Variants in ZMYM2 observed in about 807,000 individuals in gnomAD.
ZMYM2 encodes zinc finger MYM-type containing 2, also known as zinc finger MYM-type protein 2.
ZMYM2 carries 56 observed loss-of-function variants against 162.8 expected under a neutral mutation model. That is an observed-to-expected ratio of 0.34 (90% CI 0.28 to 0.43). The LOEUF is 0.43. Among genes scored for constraint, ZMYM2 ranks in the 20% least tolerant of loss-of-function variants. ZMYM2 has a pLI of 1.00. For missense variants in ZMYM2, 1,275 were observed against 1,621.8 expected, an observed-to-expected ratio of 0.79 and a Z score of 3.67; for synonymous variants, 510 against 541.6, an observed-to-expected ratio of 0.94 and a Z score of 0.81.
At chr13:19,983,981 T>C (rs1016726437) in intron 2 of ZMYM2, among the ~76,000 whole-genome samples, 22 of 152,204 alleles carry the variant, frequency 1.4e-4, no homozygotes, top group Non-Finnish European at 2.9e-4. Flanking sequence ...AGAACTATTA[T>C]AAGTGCCATG....
chr13:20,010,226 C>T (rs1180529771), intron 6 of ZMYM2, among the ~76,000 whole-genome samples: 4 of 152,050 alleles, frequency 2.6e-5, no homozygotes, highest in Non-Finnish European at 4.4e-5. Flanking sequence ...GACAGAGTCT[C>T]GCTCTGTTAC....
chr13:19,980,717 C>T (rs1957241009), intron 2 of ZMYM2, among the ~76,000 whole-genome samples: 2 of 135,984 alleles, frequency 1.5e-5, no homozygotes, highest in South Asian at 4.7e-4. Context: ...TGTGTCACTG[C>T]ACTCCAGCCT....
chr13:19,972,943 GT>G (rs67438402), intron 2 of ZMYM2, among the ~76,000 whole-genome samples: 5 of 144,576 alleles, frequency 3.5e-5, no homozygotes, highest in Admixed American at 6.9e-5. Flanking sequence ...ATGTTTTTTT[GT>G]TTTTTTTTTG....
intron 12 of ZMYM2, among the ~76,000 whole-genome samples, chr13:20,046,204 C>A (rs1476392342): frequency 2.0e-5 from 3 of 151,996 alleles, no homozygotes; most frequent in African/African-American, 4.8e-5. Context: ...TATGATTACA[C>A]CACTGCACTT....
At chr13:19,933,817 A>G in the ZMYM2 span, among the ~76,000 whole-genome samples, 6,513 of 152,228 alleles carry the variant, frequency 0.043, 200 homozygotes, top group East Asian at 0.13. Flanking sequence ...TGTGACATTG[A>G]AGAAACTGAC....
At chr13:19,922,252 G>A in the ZMYM2 span, among the ~76,000 whole-genome samples, 7 of 152,156 alleles carry the variant, frequency 4.6e-5, no homozygotes, top group East Asian at 1.3e-3. Context: ...GGGGCAGGGA[G>A]TGGGCGGATA....
At chr13:20,019,820 T>G (rs935991333) in intron 7 of ZMYM2, 1 of 551,372 alleles carries the variant, frequency 1.8e-6, no homozygotes, top group East Asian at 3.2e-5. Flanking sequence ...TCTTGTGATA[T>G]GCTCATTTGT....
At chr13:20,005,617 G>A (rs1267530420) in intron 5 of ZMYM2, among the ~76,000 whole-genome samples, 1 of 152,100 alleles carries the variant, frequency 6.6e-6, no homozygotes, top group African/African-American at 2.4e-5. Flanking sequence ...GAAGTAGAAC[G>A]ATTGGAATAT....
In ZMYM2 at chr13:19,993,909, T is replaced by C. The variant is rs751812167; in HGVS notation, c.837T>C (p.His279=). The C allele has an allele frequency of 1.7e-5, 27 of 1,610,778 alleles. No individual in the cohort carries two copies. Among genetic ancestry groups the C allele is most frequent in the Non-Finnish European group, 2.3e-5 (27 of 1,178,774 alleles). The change falls in exon 3 of 25, where the codon CAT becomes CAC. Residue 279 remains histidine, a synonymous_variant. Coordinates refer to ENST00000610343, the MANE Select transcript of ZMYM2 (RefSeq NM_197968.4). ...DVFQNGESAT[H]HNPDSWISQS... ...TTCAGAATGGAGAATCTGCAACTCA[T>C]CATAATCCTGGTAAGCAGTAAGAGA...
chr13:19,922,284 C>A, the ZMYM2 span, among the ~76,000 whole-genome samples: 1 of 152,098 alleles, frequency 6.6e-6, no homozygotes, highest in Non-Finnish European at 1.5e-5. Context: ...GTCAGGAATT[C>A]TCATTGGTTT....
intron 19 of ZMYM2, among the ~76,000 whole-genome samples, chr13:20,065,515 G>A (rs1956607076): frequency 6.6e-6 from 1 of 152,056 alleles, no homozygotes; most frequent in Non-Finnish European, 1.5e-5. Flanking sequence ...AAGTGAAAAG[G>A]GGGCCAGGCA....
At chr13:19,960,453 A>G (rs1440932411) in intron 2 of ZMYM2, among the ~76,000 whole-genome samples, 1 of 152,228 alleles carries the variant, frequency 6.6e-6, no homozygotes, top group Non-Finnish European at 1.5e-5. Flanking sequence ...AAACATAGAA[A>G]TAATCATTTA....
At chr13:20,042,527 T>C (rs1566375958) in intron 12 of ZMYM2, among the ~76,000 whole-genome samples, 2 of 152,122 alleles carry the variant, frequency 1.3e-5, no homozygotes, top group South Asian at 4.1e-4. Flanking sequence ...TTCCATATTC[T>C]GAATTCTATT....
intron 3 of ZMYM2, among the ~76,000 whole-genome samples, chr13:19,998,199 ATT>A (rs1404272752): frequency 2.0e-5 from 3 of 152,194 alleles, no homozygotes; most frequent in Non-Finnish European, 4.4e-5. Context: ...AATTGGGAAA[ATT>A]TACCAGCTAT....
the ZMYM2 span, among the ~76,000 whole-genome samples, chr13:19,890,923 G>T: frequency 5.9e-5 from 9 of 151,818 alleles, no homozygotes; most frequent in African/African-American, 9.7e-5. Context: ...TAGGCTGAAG[G>T]TCTTCTGGTT....
At chr13:19,886,535 C>G in the ZMYM2 span, among the ~76,000 whole-genome samples, 1 of 151,946 alleles carries the variant, frequency 6.6e-6, no homozygotes, top group Non-Finnish European at 1.5e-5. Context: ...GCGTGGAGCC[C>G]TGTACCACTG....
At chr13:19,908,074 G>A in the ZMYM2 span, among the ~76,000 whole-genome samples, 1 of 152,086 alleles carries the variant, frequency 6.6e-6, no homozygotes, top group Admixed American at 6.6e-5. Context: ...GATCACTTGA[G>A]CTCAGGAGTT....
chr13:19,923,085 A>G, the ZMYM2 span, among the ~76,000 whole-genome samples: 1 of 150,914 alleles, frequency 6.6e-6, no homozygotes, highest in Non-Finnish European at 1.5e-5. Context: ...CACGCCTGTA[A>G]TCCCAGCACT....
At chr13:20,011,388 C>A (rs9578249) in intron 6 of ZMYM2, among the ~76,000 whole-genome samples, 15,433 of 152,096 alleles carry the variant, frequency 0.1, 1,292 homozygotes, top group African/African-American at 0.22. Context: ...CAAAATGCTT[C>A]AATGAGCATT....
Sources: allele counts gnomAD v4.1 joint callset (sites outside exome capture counted in the v4.1 genomes callset), GRCh38; gene constraint gnomAD v4.1.1; transcripts MANE v1.5; gene names NCBI Gene and HGNC (gene_info 2026-07-23, HGNC 2026-07-21).